Variants in GASK1A observed in about 807,000 individuals in gnomAD.
GASK1A encodes golgi associated kinase 1A, also known as Golgi-associated kinase 1A.
GASK1A carries 40 observed loss-of-function variants against 41.2 expected under a neutral mutation model. The observed-to-expected ratio is 0.97, with a 90% CI of 0.75 to 1.27. The LOEUF is 1.27. Ranked by LOEUF, GASK1A falls within the 50% of genes most tolerant of loss-of-function variation. The pLI is 0.00. For missense variants in GASK1A, 678 were observed against 745.1 expected (o/e 0.91, Z 1.05); for synonymous variants, 316 against 307.1 (o/e 1.03, Z -0.30).
intron 2 of GASK1A, among the ~76,000 whole-genome samples, chr3:43,043,699 A>G (rs148128675): frequency 1.3e-5 from 2 of 152,338 alleles, no homozygotes; most frequent in Non-Finnish European, 2.9e-5. Context: ...GGGCATTACA[A>G]TGGCTTAACT....
intron 3 of GASK1A, among the ~76,000 whole-genome samples, chr3:43,054,881 C>T (rs1470243898): frequency 6.6e-6 from 1 of 152,138 alleles, no homozygotes; most frequent in Non-Finnish European, 1.5e-5. Context: ...AGGGGGATGC[C>T]CAGGTGCACA....
At chr3:43,021,687 T>C (rs943227033) in intron 1 of GASK1A, among the ~76,000 whole-genome samples, 1 of 152,210 alleles carries the variant, frequency 6.6e-6, no homozygotes, top group Admixed American at 6.5e-5. Context: ...TTTCTCCCCA[T>C]TTTATAGCTG....
At chr3:43,055,265 C>T (rs750055211) in intron 3 of GASK1A, among the ~76,000 whole-genome samples, 167 bp from the exon 4 acceptor site, 8 of 152,218 alleles carry the variant, frequency 5.3e-5, no homozygotes, top group Non-Finnish European at 8.8e-5. Flanking sequence ...GCACTTAGCA[C>T]AGTGCCCAGC....
In GASK1A at chr3:43,056,394, A is replaced by G. The variant is rs1482636061; in HGVS notation, c.*8A>G. 20 of 1,532,598 alleles carry G rather than the reference A, an allele frequency of 1.3e-5. No individual in the cohort carries two copies. Among genetic ancestry groups the G allele is most frequent in the Admixed American group, 2.0e-5 (1 of 49,368 alleles). The allele number at this position is 1,532,598 out of a possible 1,614,324, so 94.9% of individuals were successfully genotyped here. A position where few individuals can be genotyped will look rare whatever the true frequency, so the allele number is the denominator to read the frequency against. On this transcript the variant is annotated 3_prime_UTR_variant, in exon 5 of 5. Coordinates refer to ENST00000430121, the MANE Select transcript of GASK1A (RefSeq NM_001129908.3). ...AGGGACGAGGACCCATAAGCCGCAC[A>G]CAGCCCTGAGTCAATGAGCATCCAT...
intron 1 of GASK1A, among the ~76,000 whole-genome samples, chr3:43,028,486 A>G (rs181572287): frequency 1.6e-4 from 24 of 152,360 alleles, no homozygotes; most frequent in African/African-American, 5.5e-4. Context: ...TATGTATGGC[A>G]TATCAAGTAA....
chr3:43,014,924 G>A (rs146245731), intron 1 of GASK1A, among the ~76,000 whole-genome samples: 1 of 151,992 alleles, frequency 6.6e-6, no homozygotes, highest in Non-Finnish European at 1.5e-5. Flanking sequence ...GGAATGGGCA[G>A]TGTGAAGCTA....
At chr3:43,037,612 T>TA (rs34287144) in intron 2 of GASK1A, among the ~76,000 whole-genome samples, 81,147 of 151,868 alleles carry the variant, frequency 0.53, 22,462 homozygotes, top group Admixed American at 0.63. Context: ...ATTTAAATGA[T>TA]ACATTTTTAA....
chr3:43,024,413 ACTTC>A (rs2089536315), intron 1 of GASK1A, among the ~76,000 whole-genome samples: 1 of 152,188 alleles, frequency 6.6e-6, no homozygotes, highest in Non-Finnish European at 1.5e-5. Context: ...GGCATGCCGT[ACTTC>A]CTGTTTCTAG....
At chr3:43,017,286 T>A (rs1178391511) in intron 1 of GASK1A, among the ~76,000 whole-genome samples, 2 of 112,184 alleles carry the variant, frequency 1.8e-5, no homozygotes, top group East Asian at 2.9e-4. Flanking sequence ...AAGTCACAGG[T>A]AGAGGCAGTG....
chr3:43,033,641 T>G, intron 2 of GASK1A, 88 bp downstream of exon 2: 1 of 1,228,580 alleles, frequency 8.1e-7, no homozygotes, highest in Non-Finnish European at 1.1e-6. Context: ...TGAGGTTAGA[T>G]GGTGACTCTC....
At chr3:43,027,574 G>A (rs1201169827) in intron 1 of GASK1A, among the ~76,000 whole-genome samples, 8 of 152,088 alleles carry the variant, frequency 5.3e-5, no homozygotes, top group Admixed American at 5.2e-4. Context: ...GGGAGGGCAA[G>A]GAGGGGGAAG....
At chr3:43,017,517 G>A (rs1440353358) in intron 1 of GASK1A, among the ~76,000 whole-genome samples, 1 of 147,150 alleles carries the variant, frequency 6.8e-6, no homozygotes, top group Non-Finnish European at 1.5e-5. Flanking sequence ...ACAGGAAGGG[G>A]CCCTGTGAAG....
intron 1 of GASK1A, among the ~76,000 whole-genome samples, chr3:43,011,759 A>C (rs2125679736): frequency 6.6e-6 from 1 of 151,208 alleles, no homozygotes; most frequent in South Asian, 2.1e-4. Context: ...TGTGAAGCCA[A>C]GGGAAGGGGC....
At position 43,032,476 on chromosome 3, in the gene GASK1A, G is replaced by A; in HGVS notation, c.213G>A (p.Arg71=). The A allele has an allele frequency of 6.4e-7, 1 of 1,551,076 alleles. No individual in the cohort carries two copies. Among genetic ancestry groups the A allele is most frequent in the Non-Finnish European group, 8.7e-7 (1 of 1,146,508 alleles). ...CTTTGAGCTCCAGCCGGAGGCAGCGGGCAAGAAACATGGGCTTCTGGAGAA... is the reference window on the plus strand; with the variant it reads ...CTTTGAGCTCCAGCCGGAGGCAGCGAGCAAGAAACATGGGCTTCTGGAGAA... ...RQALSSSRRQ[R]ARNMGFWRSR... Residue 71 remains arginine, a synonymous_variant, in exon 2 of 5, where the codon CGG becomes CGA. Coordinates refer to ENST00000430121, the MANE Select transcript of GASK1A (RefSeq NM_001129908.3).
chr3:43,025,069 A>G (rs181200293), intron 1 of GASK1A, among the ~76,000 whole-genome samples: 56 of 152,296 alleles, frequency 3.7e-4, no homozygotes, highest in African/African-American at 1.2e-3. Flanking sequence ...CAGAATTGAA[A>G]GAAGTTTAGC....
intron 2 of GASK1A, among the ~76,000 whole-genome samples, chr3:43,036,124 G>A (rs1188084347): frequency 1.3e-5 from 2 of 152,226 alleles, no homozygotes; most frequent in African/African-American, 4.8e-5. Flanking sequence ...TGCAGCGTGG[G>A]ACTCTTCCTC....
intron 1 of GASK1A, among the ~76,000 whole-genome samples, chr3:42,986,484 A>G (rs2089311382): frequency 6.6e-6 from 1 of 152,184 alleles, no homozygotes; most frequent in South Asian, 2.1e-4. Flanking sequence ...TAAAATATAT[A>G]TATAACAAAA....
chr3:43,033,517 G>C lies in GASK1A; in HGVS notation c.1254G>C (p.Glu418Asp). The change falls in exon 2 of 5, where the codon GAG (glutamate) becomes GAC (aspartate). Residue 418 changes from glutamate to aspartate, a missense_variant. Glu to Asp is a conservative substitution (Grantham distance 45). Transcript: ENST00000430121. ...QAPCPGIHHTEWARLALFDFL... is the reference protein window; with the variant it reads ...QAPCPGIHHTDWARLALFDFL... ...CGTGCCCGGGCATCCACCATACCGA[G>C]TGGGCACGCCTGGCGCTCTTCGACT... 2 of 1,547,264 alleles carry C rather than the reference G, an allele frequency of 1.3e-6. No individual in the cohort carries two copies. The highest frequency in any genetic ancestry group is 1.7e-6 in the Non-Finnish European group (2 of 1,144,664).
intron 3 of GASK1A, 101 bp from the exon 4 acceptor site, chr3:43,055,331 C>G (rs376523779): frequency 2.1e-5 from 16 of 759,394 alleles, no homozygotes; most frequent in South Asian, 1.9e-4. Context: ...GTGGGACTGA[C>G]AGCTCAGGGC....
Sources: allele counts gnomAD v4.1 joint callset (sites outside exome capture counted in the v4.1 genomes callset), GRCh38; gene constraint gnomAD v4.1.1; transcripts MANE v1.5; gene names NCBI Gene and HGNC (gene_info 2026-07-23, HGNC 2026-07-21).